The following SCHIP1 variants were observed in gnomAD, a reference collection of about 807,000 sequenced individuals.
The protein encoded by SCHIP1 is schwannomin interacting protein 1.
SCHIP1 carries 8 observed loss-of-function variants against 29.7 expected under a neutral mutation model. The ratio of observed to expected loss-of-function variants is 0.27; its 90% CI spans 0.16 to 0.49. SCHIP1 has a LOEUF of 0.49. SCHIP1 is among the 20% of genes least tolerant of loss of function. The probability of loss-of-function intolerance (pLI) is 0.99; values close to 1 mark genes in which losing one functional copy is unlikely to be tolerated. For synonymous variants in SCHIP1, 76 were observed against 94.9 expected (o/e 0.80, Z 1.16); for missense variants, 193 against 294.6 (o/e 0.66, Z 2.52).
At chr3:159,711,394 A>AAG in the SCHIP1 span, among the ~76,000 whole-genome samples, 18 of 77,682 alleles carry the variant, frequency 2.3e-4, 4 homozygotes, top group Non-Finnish European at 2.3e-4. Flanking sequence ...AAAAAAAAAA[A>AAG]AAAGAAATTT....
chr3:159,285,968 C>T, the SCHIP1 span, among the ~76,000 whole-genome samples: 3 of 152,066 alleles, frequency 2.0e-5, no homozygotes, highest in South Asian at 6.2e-4. Flanking sequence ...TAAAACTTAT[C>T]TTTCAAGAAC....
At chr3:159,859,541 G>A (rs16830837) in intron 1 of SCHIP1, among the ~76,000 whole-genome samples, 2,057 of 152,300 alleles carry the variant, frequency 0.014, 45 homozygotes, top group African/African-American at 0.047. Context: ...GTTCCCTGGC[G>A]GATGCTGCTA....
At chr3:159,525,932 G>C in the SCHIP1 span, among the ~76,000 whole-genome samples, 31 of 152,130 alleles carry the variant, frequency 2.0e-4, no homozygotes, top group Admixed American at 2.0e-3. Flanking sequence ...CTTTTTGTTT[G>C]AATTCAATGT....
chr3:159,462,651 C>A, the SCHIP1 span, among the ~76,000 whole-genome samples: 1 of 152,108 alleles, frequency 6.6e-6, no homozygotes. Context: ...TTCAGTGGCT[C>A]CCCATTGCCT....
chr3:159,747,983 A>G, the SCHIP1 span, among the ~76,000 whole-genome samples: 8 of 152,240 alleles, frequency 5.3e-5, no homozygotes, highest in Non-Finnish European at 8.8e-5. Flanking sequence ...TATTTTGATC[A>G]TAAAGTTTCA....
chr3:159,494,566 T>A, the SCHIP1 span, among the ~76,000 whole-genome samples: 1 of 152,188 alleles, frequency 6.6e-6, no homozygotes, highest in African/African-American at 2.4e-5. Flanking sequence ...AGAATTTGAA[T>A]CTCTGATTAG....
chr3:159,467,675 A>T, the SCHIP1 span, among the ~76,000 whole-genome samples: 2 of 152,142 alleles, frequency 1.3e-5, no homozygotes, highest in Non-Finnish European at 2.9e-5. Context: ...AAAGAGAGAA[A>T]AAATGATCAA....
chr3:159,486,052 T>C, the SCHIP1 span, among the ~76,000 whole-genome samples: 1 of 152,224 alleles, frequency 6.6e-6, no homozygotes, highest in Non-Finnish European at 1.5e-5. Context: ...ATTTAAGGTA[T>C]ACAGTGTGAT....
At chr3:159,554,028 G>GTGTGTGTGTGTGTGTTTGTGTA in the SCHIP1 span, among the ~76,000 whole-genome samples, 11 of 73,444 alleles carry the variant, frequency 1.5e-4, no homozygotes, top group Non-Finnish European at 1.6e-4. Flanking sequence ...GTTTGTGTAT[G>GTGTGTGTGTGTGTGTTTGTGTA]TGTGTGTGTG....
chr3:159,661,009 A>G, the SCHIP1 span, among the ~76,000 whole-genome samples: 5 of 152,198 alleles, frequency 3.3e-5, no homozygotes, highest in Non-Finnish European at 7.3e-5. Context: ...TGGATATGAA[A>G]TAAAAAACCA....
exon 4 of SCHIP1, chr3:159,887,878 C>G (rs1717111129): frequency 1.9e-6 from 3 of 1,613,880 alleles, no homozygotes. Context: ...AGAAACAGAA[C>G]AGGAAAAAGT....
chr3:159,354,825 T>C, the SCHIP1 span, among the ~76,000 whole-genome samples: 1 of 152,146 alleles, frequency 6.6e-6, no homozygotes, highest in African/African-American at 2.4e-5. Flanking sequence ...ACTAGATCTG[T>C]GTTAGATAGA....
chr3:159,450,302 G>A, the SCHIP1 span, among the ~76,000 whole-genome samples: 40,048 of 152,024 alleles, frequency 0.26, 6,703 homozygotes, highest in African/African-American at 0.48. Context: ...CATTTCATCC[G>A]TAAGTTCTAT....
At chr3:159,796,178 GT>G in the SCHIP1 span, among the ~76,000 whole-genome samples, 1 of 152,178 alleles carries the variant, frequency 6.6e-6, no homozygotes, top group Non-Finnish European at 1.5e-5. Context: ...AATGAAAGAG[GT>G]TTGTTGGGGA....
the SCHIP1 span, among the ~76,000 whole-genome samples, chr3:159,418,641 C>A: frequency 6.6e-6 from 1 of 152,142 alleles, no homozygotes; most frequent in Non-Finnish European, 1.5e-5. Context: ...TATACAGAGC[C>A]TTTTCTTTCT....
the SCHIP1 span, among the ~76,000 whole-genome samples, chr3:159,798,709 T>C: frequency 6.6e-6 from 1 of 151,968 alleles, no homozygotes; most frequent in Admixed American, 6.6e-5. Flanking sequence ...AGTGAGCCGA[T>C]ATCATGCCAT....
chr3:159,454,576 A>AGG, the SCHIP1 span, among the ~76,000 whole-genome samples: 1 of 152,220 alleles, frequency 6.6e-6, no homozygotes, highest in African/African-American at 2.4e-5. Flanking sequence ...GGGTTTGGGA[A>AGG]GGGGGCATGG....
At chr3:159,834,538 CTT>C in the SCHIP1 span, among the ~76,000 whole-genome samples, 1 of 152,086 alleles carries the variant, frequency 6.6e-6, no homozygotes, top group Admixed American at 6.5e-5. Flanking sequence ...GAGGAAAACA[CTT>C]TGTGTTTCTG....
chr3:159,392,622 T>C, the SCHIP1 span, among the ~76,000 whole-genome samples: 5 of 152,078 alleles, frequency 3.3e-5, no homozygotes, highest in Non-Finnish European at 4.4e-5. Flanking sequence ...TTCATCCATG[T>C]CCCTACAAAG....
Sources: gnomAD v4.1 joint callset for allele counts (sites outside exome capture counted in the v4.1 genomes callset) on GRCh38, gnomAD v4.1.1 for gene constraint, MANE v1.5 for transcripts, NCBI Gene and HGNC (gene_info 2026-07-23, HGNC 2026-07-21) for gene names.